GALNTL6: variants seen among roughly 807,000 people sequenced by gnomAD.
GALNTL6 encodes the protein polypeptide N-acetylgalactosaminyltransferase-like 6.
In GALNTL6, 46 loss-of-function variants were observed where a neutral mutation model predicts 73.7. The observed-to-expected ratio is 0.62, with a 90% CI of 0.49 to 0.80. The LOEUF (loss-of-function observed/expected upper bound fraction) is 0.80, where lower values mean the gene tolerates loss of function less well. Among genes scored for constraint, GALNTL6 ranks in the 30% least tolerant of loss-of-function variants. The pLI is 0.00. For synonymous variants in GALNTL6, 259 were observed against 263.7 expected (o/e 0.98, Z 0.17); for missense variants, 604 against 755.0 (o/e 0.80, Z 2.34).
intron 10 of GALNTL6, among the ~76,000 whole-genome samples, chr4:172,969,246 G>A (rs983886994): frequency 2.6e-5 from 4 of 152,170 alleles, no homozygotes; most frequent in Admixed American, 2.0e-4. Context: ...AGAGACCATG[G>A]AAGGCACAGT....
At position 172,495,535 on chromosome 4, in the gene GALNTL6, C is replaced by T. The variant is rs115255077; in HGVS notation, c.553+146846C>T. ...GGCCCTTGAAACCTTAGACTCCTCC[C>T]GCTTTTGTCCTCCAGAGGACAATGG... On this transcript the variant is annotated intron_variant, in intron 5 of 12. Coordinates refer to ENST00000506823, the MANE Select transcript of GALNTL6 (RefSeq NM_001034845.3). Among the ~76,000 whole-genome samples the T allele has an allele frequency of 4.1e-3, 618 of 152,284 alleles. 2 individuals carry two copies. Among genetic ancestry groups the T allele is most frequent in the Middle Eastern group, 6.8e-3 (2 of 294 alleles).
intron 2 of GALNTL6, among the ~76,000 whole-genome samples, chr4:171,987,457 A>G (rs1740137152): frequency 1.3e-5 from 2 of 152,156 alleles, no homozygotes; most frequent in Non-Finnish European, 2.9e-5. Flanking sequence ...CGCTGTAGGA[A>G]AGGCCTCTAC....
chr4:171,909,642 T>C (rs909270519), intron 2 of GALNTL6, among the ~76,000 whole-genome samples: 2 of 152,178 alleles, frequency 1.3e-5, no homozygotes, highest in Admixed American at 6.5e-5. Flanking sequence ...TTTACAAATA[T>C]TTGACTCGAA....
chr4:171,986,680 G>T (rs1288731005), intron 2 of GALNTL6, among the ~76,000 whole-genome samples: 1 of 152,044 alleles, frequency 6.6e-6, no homozygotes, highest in Non-Finnish European at 1.5e-5. Context: ...GTTGTTAGAA[G>T]AAACATTTAT....
chr4:172,045,428 G>A (rs1742188173), intron 2 of GALNTL6, among the ~76,000 whole-genome samples: 1 of 151,882 alleles, frequency 6.6e-6, no homozygotes, highest in Admixed American at 6.6e-5. Context: ...CTCAGTTTTT[G>A]CTAATTTAAT....
At chr4:172,232,179 G>A (rs2638002) in intron 3 of GALNTL6, among the ~76,000 whole-genome samples, 148,741 of 152,214 alleles carry the variant, frequency 0.98, 72,765 homozygotes, top group East Asian at 1. Flanking sequence ...ACAGGCCAAG[G>A]AAAAGGATCA....
intron 2 of GALNTL6, among the ~76,000 whole-genome samples, chr4:172,167,782 C>A (rs1228019027): frequency 7.0e-6 from 1 of 142,000 alleles, no homozygotes; most frequent in Non-Finnish European, 1.5e-5. Context: ...CAAGGTGAAA[C>A]CCCGTCTCTA....
chr4:172,522,454 T>C (rs1030352001), intron 5 of GALNTL6, among the ~76,000 whole-genome samples: 2 of 152,158 alleles, frequency 1.3e-5, no homozygotes, highest in Non-Finnish European at 2.9e-5. Context: ...GCGGATCACC[T>C]GAGGTTGGGA....
intron 10 of GALNTL6, among the ~76,000 whole-genome samples, chr4:172,965,415 C>G (rs1750276088): frequency 6.6e-6 from 1 of 151,910 alleles, no homozygotes; most frequent in Non-Finnish European, 1.5e-5. Flanking sequence ...AACCCCGTCT[C>G]TACTAAAAAT....
chr4:171,894,654 A>G (rs955872301), intron 2 of GALNTL6, among the ~76,000 whole-genome samples: 8 of 152,152 alleles, frequency 5.3e-5, no homozygotes, highest in African/African-American at 1.9e-4. Flanking sequence ...AAGCCACCCA[A>G]CCTGGCCCAA....
intron 2 of GALNTL6, among the ~76,000 whole-genome samples, chr4:172,028,492 G>A (rs1741663033): frequency 6.6e-6 from 1 of 152,020 alleles, no homozygotes. Context: ...CCAAATGTAA[G>A]ATAGGTTGGA....
At chr4:172,326,317 G>A (rs1740939607) in intron 4 of GALNTL6, among the ~76,000 whole-genome samples, 1 of 151,838 alleles carries the variant, frequency 6.6e-6, no homozygotes, top group Non-Finnish European at 1.5e-5. Context: ...TATCTTACTG[G>A]ATTTGTGAAA....
chr4:172,613,982 A>G (rs1251702049), intron 5 of GALNTL6, among the ~76,000 whole-genome samples: 1 of 152,184 alleles, frequency 6.6e-6, no homozygotes, highest in Non-Finnish European at 1.5e-5. Flanking sequence ...GATTTGAACT[A>G]AAAATGAATT....
intron 5 of GALNTL6, among the ~76,000 whole-genome samples, chr4:172,803,384 C>T (rs1740770738): frequency 6.6e-6 from 1 of 152,186 alleles, no homozygotes; most frequent in Non-Finnish European, 1.5e-5. Context: ...AGATTTTGCG[C>T]TCCTTATGAG....
At chr4:172,725,361 T>G (rs1229544838) in intron 5 of GALNTL6, among the ~76,000 whole-genome samples, 7 of 152,300 alleles carry the variant, frequency 4.6e-5, no homozygotes, top group South Asian at 4.1e-4. Flanking sequence ...CACACATTCT[T>G]CTAGTTTTAG....
At position 172,711,345 on chromosome 4, in the gene GALNTL6, A is replaced by G. The variant is rs145570083; in HGVS notation, c.554-98016A>G. ...GATTACTGCGGCTGAAGCTGAGTCA[A>G]TGAAGGAAGAGGAATGGGCTCAGGT... On this transcript the variant is annotated intron_variant, in intron 5 of 12. Transcript: ENST00000506823. 1.7e-3 allele frequency among the ~76,000 whole-genome samples: 262 copies of G among 152,242 alleles called. 1 individual carries two copies. The highest frequency in any genetic ancestry group is 6.1e-3 in the African/African-American group (255 of 41,538).
chr4:172,748,746 A>T (rs1378696018), intron 5 of GALNTL6, among the ~76,000 whole-genome samples: 1 of 152,224 alleles, frequency 6.6e-6, no homozygotes, highest in Non-Finnish European at 1.5e-5. Context: ...AAAATAGCTA[A>T]AAGAGAGGAT....
At chr4:172,966,568 T>C (rs1031862276) in intron 10 of GALNTL6, among the ~76,000 whole-genome samples, 1 of 152,104 alleles carries the variant, frequency 6.6e-6, no homozygotes, top group African/African-American at 2.4e-5. Context: ...CTAATTTTGG[T>C]ATTTTTAGTA....
At chr4:172,693,381 C>A (rs558290202) in intron 5 of GALNTL6, among the ~76,000 whole-genome samples, 18 of 152,286 alleles carry the variant, frequency 1.2e-4, no homozygotes, top group African/African-American at 4.3e-4. Flanking sequence ...ACCCCCATTG[C>A]CCCAGCCACT....
Sources: gnomAD v4.1 joint callset for allele counts (sites outside exome capture counted in the v4.1 genomes callset) on GRCh38, gnomAD v4.1.1 for gene constraint, MANE v1.5 for transcripts, NCBI Gene and HGNC (gene_info 2026-07-23, HGNC 2026-07-21) for gene names.